Variants in RAD51B observed in about 807,000 individuals in gnomAD.
The protein encoded by RAD51B is DNA repair protein RAD51 homolog 2.
Under a neutral mutation model 42.2 loss-of-function variants are expected in RAD51B, and 38 were observed. That is an observed-to-expected ratio of 0.90 (90% CI 0.70 to 1.18). The LOEUF (loss-of-function observed/expected upper bound fraction) is 1.18, where lower values mean the gene tolerates loss of function less well. Among genes scored for constraint, RAD51B ranks in the 50% most tolerant of loss-of-function variants. The pLI is 0.00. For synonymous variants in RAD51B, 154 were observed against 145.2 expected (o/e 1.06, Z -0.43); for missense variants, 373 against 400.7 (o/e 0.93, Z 0.59).
intron 7 of RAD51B, among the ~76,000 whole-genome samples, chr14:67,973,118 T>TAA (rs1362528727): frequency 6.6e-5 from 10 of 152,076 alleles, no homozygotes; most frequent in Non-Finnish European, 1.2e-4. Flanking sequence ...CAACCATATC[T>TAA]AAGGCTGCTG....
intron 10 of RAD51B, among the ~76,000 whole-genome samples, chr14:68,550,142 C>A (rs889497837): frequency 6.6e-6 from 1 of 152,212 alleles, no homozygotes; most frequent in African/African-American, 2.4e-5. Context: ...CACGCTGCGC[C>A]GTGCTCCCTC....
At chr14:68,436,017 C>A (rs1407715388) in intron 9 of RAD51B, among the ~76,000 whole-genome samples, 1 of 152,158 alleles carries the variant, frequency 6.6e-6, no homozygotes, top group East Asian at 1.9e-4. Context: ...TGTTCAGAAG[C>A]TCTTTAATTA....
At chr14:68,242,415 C>A (rs2080408567) in intron 7 of RAD51B, among the ~76,000 whole-genome samples, 1 of 152,160 alleles carries the variant, frequency 6.6e-6, no homozygotes, top group South Asian at 2.1e-4. Flanking sequence ...AGGTTGTAGA[C>A]CCCCTGAAGG....
intron 10 of RAD51B, among the ~76,000 whole-genome samples, chr14:68,582,557 G>A (rs1393379438): frequency 6.6e-6 from 1 of 152,188 alleles, no homozygotes; most frequent in Non-Finnish European, 1.5e-5. Context: ...CTGTTGATGG[G>A]AGTATAATTC....
intron 7 of RAD51B, among the ~76,000 whole-genome samples, chr14:67,945,196 G>A (rs765083920): frequency 6.6e-6 from 1 of 152,094 alleles, no homozygotes; most frequent in Non-Finnish European, 1.5e-5. Flanking sequence ...AAGCAAGAAG[G>A]TGTTAGTTAG....
chr14:67,924,167 A>G (rs1422948361), intron 7 of RAD51B, among the ~76,000 whole-genome samples: 4 of 151,986 alleles, frequency 2.6e-5, no homozygotes, highest in Non-Finnish European at 5.9e-5. Flanking sequence ...ATTTTCTCCT[A>G]TTTTATGGGT....
chr14:68,028,519 C>T (rs568446488), intron 7 of RAD51B, among the ~76,000 whole-genome samples: 6 of 152,338 alleles, frequency 3.9e-5, no homozygotes, highest in African/African-American at 1.4e-4. Context: ...CCACATAACT[C>T]GACTTGGCAC....
At chr14:68,334,859 A>C in intron 8 of RAD51B, among the ~76,000 whole-genome samples, 1 of 148,186 alleles carries the variant, frequency 6.7e-6, no homozygotes, top group Admixed American at 6.8e-5. Context: ...TATATCATAT[A>C]TTTTATGATA....
intron 3 of RAD51B, among the ~76,000 whole-genome samples, chr14:67,826,387 G>A (rs937354607): frequency 1.3e-5 from 2 of 152,178 alleles, no homozygotes; most frequent in African/African-American, 4.8e-5. Flanking sequence ...TCATCAAATT[G>A]TACATTTTTT....
intron 7 of RAD51B, among the ~76,000 whole-genome samples, chr14:67,968,985 G>C (rs568503052): frequency 2.6e-5 from 4 of 152,174 alleles, no homozygotes; most frequent in Non-Finnish European, 4.4e-5. Context: ...CATGGTGGGA[G>C]GTGAAAGGCA....
intron 7 of RAD51B, among the ~76,000 whole-genome samples, chr14:68,157,561 C>T (rs1357995290): frequency 6.6e-6 from 1 of 152,162 alleles, no homozygotes; most frequent in East Asian, 1.9e-4. Context: ...AGTATATCAG[C>T]CTTGTCCAGC....
chr14:67,994,462 T>C (rs1458629405), intron 7 of RAD51B, among the ~76,000 whole-genome samples: 1 of 152,202 alleles, frequency 6.6e-6, no homozygotes, highest in Admixed American at 6.5e-5. Flanking sequence ...CTATGTTTCA[T>C]ATTAAGAGTG....
intron 7 of RAD51B, among the ~76,000 whole-genome samples, chr14:68,041,197 C>T (rs1418006060): frequency 6.6e-6 from 1 of 152,164 alleles, no homozygotes; most frequent in Non-Finnish European, 1.5e-5. Context: ...GCAGGCATCC[C>T]CTTCGCCTCC....
At chr14:68,322,190 G>T (rs367555537) in intron 8 of RAD51B, among the ~76,000 whole-genome samples, 2 of 152,298 alleles carry the variant, frequency 1.3e-5, no homozygotes, top group East Asian at 1.9e-4. Flanking sequence ...TTTAATTCAT[G>T]CATGAAGAAC....
chr14:68,478,915 CA>C (rs2140258151), downstream of RAD51B, among the ~76,000 whole-genome samples: 1 of 152,234 alleles, frequency 6.6e-6, no homozygotes, highest in African/African-American at 2.4e-5. Flanking sequence ...GCCTGCCCTC[CA>C]AAAATGTACT....
chr14:68,632,159 G>A (rs965469969), intron 10 of RAD51B, among the ~76,000 whole-genome samples: 7 of 151,858 alleles, frequency 4.6e-5, no homozygotes, highest in South Asian at 2.1e-4. Flanking sequence ...TCTAAATTCC[G>A]CTTTCTTTGC....
At chr14:68,077,767 C>A (rs2076856009) in intron 7 of RAD51B, among the ~76,000 whole-genome samples, 1 of 152,158 alleles carries the variant, frequency 6.6e-6, no homozygotes, top group African/African-American at 2.4e-5. Context: ...ACCAACCTGA[C>A]CAACATGGTG....
chr14:68,359,406 GGT>G (rs1566831562), intron 8 of RAD51B, among the ~76,000 whole-genome samples: 1 of 152,052 alleles, frequency 6.6e-6, no homozygotes, highest in Non-Finnish European at 1.5e-5. Context: ...AAGAGGGCTG[GGT>G]AAAGGAGAAT....
chr14:68,608,880 C>T lies in RAD51B; in HGVS notation c.1037-2126C>T, dbSNP rs1196192469. On this transcript the variant is annotated intron_variant, in intron 10 of 10. Coordinates refer to the RAD51B transcript ENST00000487861. ...CTTCCTCTGTCACCCATCAGCTCTG[C>T]AGCCGGCCCAGATACTCCCTTCTCC... Among the ~76,000 whole-genome samples the T allele has an allele frequency of 2.0e-5, 3 of 152,178 alleles. No individual in the cohort carries two copies. The East Asian group carries it at 5.8e-4, about 29-fold the overall frequency.
Sources: allele counts gnomAD v4.1 joint callset (sites outside exome capture counted in the v4.1 genomes callset), GRCh38; gene constraint gnomAD v4.1.1; transcripts MANE v1.5; gene names NCBI Gene and HGNC (gene_info 2026-07-23, HGNC 2026-07-21).